Variants in TMEM255B observed in about 807,000 individuals in gnomAD.
The protein encoded by TMEM255B is transmembrane protein 255B.
A neutral mutation model predicts 34.5 loss-of-function variants in TMEM255B; 35 were observed. The observed-to-expected ratio is 1.01, with a 90% CI of 0.77 to 1.34. The LOEUF (loss-of-function observed/expected upper bound fraction) is 1.34, where lower values mean the gene tolerates loss of function less well. TMEM255B is among the 40% of genes most tolerant of loss of function. TMEM255B has a pLI of 0.00. For synonymous variants in TMEM255B, 206 were observed against 201.2 expected (o/e 1.02, Z -0.20); for missense variants, 432 against 433.2 (o/e 1.00, Z 0.02).
intron 3 of TMEM255B, among the ~76,000 whole-genome samples, chr13:113,792,951 C>T (rs974486400): frequency 1.3e-5 from 2 of 152,250 alleles, no homozygotes; most frequent in African/African-American, 4.8e-5. Context: ...GCTGCGTATC[C>T]CGTGGGGACG....
At chr13:113,777,628 C>T (rs1327807515) in intron 3 of TMEM255B, among the ~76,000 whole-genome samples, 2 of 152,226 alleles carry the variant, frequency 1.3e-5, no homozygotes, top group Non-Finnish European at 2.9e-5. Context: ...GAACAGCTCC[C>T]GCCCGGGTCC....
intron 8 of TMEM255B, among the ~76,000 whole-genome samples, chr13:113,811,120 C>T (rs2051289038): frequency 6.6e-6 from 1 of 151,890 alleles, no homozygotes; most frequent in Admixed American, 6.6e-5. Context: ...GCTGGGGCTG[C>T]TCCTTCTGGT....
intron 3 of TMEM255B, among the ~76,000 whole-genome samples, chr13:113,771,113 G>T (rs536558009): frequency 6.6e-6 from 1 of 152,234 alleles, no homozygotes; most frequent in South Asian, 2.1e-4. Flanking sequence ...GTTAAAACAT[G>T]AATCACATCA....
At chr13:113,775,739 C>G (rs1216049340) in intron 3 of TMEM255B, among the ~76,000 whole-genome samples, 1 of 152,216 alleles carries the variant, frequency 6.6e-6, no homozygotes, top group Non-Finnish European at 1.5e-5. Context: ...GCACCCAGCT[C>G]GGGGTTGGTC....
intron 8 of TMEM255B, among the ~76,000 whole-genome samples, chr13:113,810,987 G>T (rs2051286312): frequency 6.6e-6 from 1 of 152,142 alleles, no homozygotes. Context: ...CTCGCTGGCT[G>T]TGAGGAAGTG....
In TMEM255B at chr13:113,805,019, G is replaced by A; in HGVS notation, c.804G>A (p.Leu268=). The stretch of plus-strand genomic sequence containing the variant: ...TCCCGACCTGCTCGTCCTACCCTCT[G>A]CCCCTTCAGGTAGGGCCAGCATCAC... The part of the protein sequence containing the change: ...EPVPTCSSYP[L]PLQPCSRFPV... The change falls in exon 8 of 9, where the codon CTG becomes CTA. Residue 268 remains leucine (L), a synonymous_variant. Transcript: ENST00000375353. The A allele has an allele frequency of 1.9e-6, 3 of 1,600,534 alleles. No homozygotes were observed. Among genetic ancestry groups the A allele is most frequent in the South Asian group, 1.1e-5 (1 of 90,024 alleles).
At chr13:113,787,902 C>A (rs1044739187) in intron 3 of TMEM255B, among the ~76,000 whole-genome samples, 2 of 149,166 alleles carry the variant, frequency 1.3e-5, no homozygotes, top group Admixed American at 1.3e-4. Context: ...TCCACTCTCT[C>A]CAGGAGGTTT....
chr13:113,767,445 G>A (rs561988897), intron 2 of TMEM255B, among the ~76,000 whole-genome samples: 1 of 152,368 alleles, frequency 6.6e-6, no homozygotes, highest in South Asian at 2.1e-4. Flanking sequence ...TGTGAGGAGG[G>A]ACCTCCAAGT....
rs554138808 is a variant in TMEM255B at position 113,791,613 on chromosome 13, G to C, written c.253-3535G>C. ...TCCTGAGCTGAGGCGCTGTCTGAGC[G>C]AAAGATGTTTAGAGCCCCAAGTCCT... On this transcript the variant is annotated intron_variant, in intron 3 of 8. Transcript: ENST00000375353. 3.9e-3 allele frequency among the ~76,000 whole-genome samples: 601 copies of C among 152,320 alleles called. 1 individual carries two copies. The highest frequency in any genetic ancestry group is 6.1e-3 in the Non-Finnish European group (415 of 68,022).
rs1015939543 is a variant in TMEM255B, at chr13:113,812,052, G to T, written c.*149G>T. The T allele has an allele frequency of 1.2e-5, 13 of 1,067,276 alleles. No homozygotes were observed. Among genetic ancestry groups the T allele is most frequent in the Non-Finnish European group, 1.7e-5 (13 of 747,988 alleles). The allele number at this position is 1,067,276 out of a possible 1,614,324, so 66.1% of individuals were successfully genotyped here. On this transcript the variant is annotated 3_prime_UTR_variant, in exon 9 of 9. Transcript: ENST00000375353. ...CCTCCTTTCCTCCCTGGGCACACTG[G>T]TGAGGGAGGCTGGAACCAGGCAGGG...
At chr13:113,765,970 G>T in intron 1 of TMEM255B, 145 bp from the exon 2 acceptor site, 3 of 925,516 alleles carry the variant, frequency 3.2e-6, no homozygotes, top group Non-Finnish European at 4.9e-6. Flanking sequence ...GAGGTTGGGG[G>T]TGGTCCCCTG....
Position 113,769,168 on chromosome 13 carries a change from A to C in TMEM255B, c.252+8A>C. On this transcript the variant is annotated splice_region_variant and intron_variant, in intron 3 of 8. Coordinates refer to ENST00000375353, the MANE Select transcript of TMEM255B (RefSeq NM_182614.4). The surrounding 1 kb of genome is among the most constrained non-coding windows in gnomAD (Gnocchi z 4.2). Reference sequence around the variant, plus strand: ...GAGAATAGAAGGCAAATGGTAAGAAAGTACATGGGGTGGTGGGGAGCATGA... The same window carrying C: ...GAGAATAGAAGGCAAATGGTAAGAACGTACATGGGGTGGTGGGGAGCATGA... The C allele has an allele frequency of 6.2e-7, 1 of 1,614,072 alleles. No homozygotes were observed.
rs962627420 is a variant in TMEM255B, at chr13:113,816,498, C to G, written c.*4595C>G. On this transcript the variant is annotated 3_prime_UTR_variant, in exon 9 of 9. Transcript: ENST00000375353. The stretch of plus-strand genomic sequence containing the variant: ...GGCCCCAAGGATGTTGTGAAGATGG[C>G]CTTATGGGGCTGCACTGGTGACTTG... 16 of 153,858 alleles carry G rather than the reference C, an allele frequency of 1.0e-4. No individual in the cohort carries two copies. The highest frequency in any genetic ancestry group is 2.9e-4 in the African/African-American group (12 of 41,426). 9.5% of individuals were successfully genotyped at this position (153,858 alleles called of 1,614,324 possible). A position where few individuals can be genotyped will look rare whatever the true frequency, so the allele number is the denominator to read the frequency against.
chr13:113,812,943 G>GGACAGGTCTCAGGTGGATCACA lies in TMEM255B; in HGVS notation c.*1041_*1042insACAGGTCTCAGGTGGATCACAG, dbSNP rs1566342025. 1 of 114,766 alleles carries GGACAGGTCTCAGGTGGATCACA rather than the reference G, an allele frequency of 8.7e-6. No homozygotes were observed. Among genetic ancestry groups the GGACAGGTCTCAGGTGGATCACA allele is most frequent in the African/African-American group, 4.1e-5 (1 of 24,234 alleles). 7.1% of individuals were successfully genotyped at this position (114,766 alleles called of 1,614,324 possible). A position where few individuals can be genotyped will look rare whatever the true frequency, so the allele number is the denominator to read the frequency against. ...GAGTCACGGGTCCCGGGTGGGTCAC[G>GGACAGGTCTCAGGTGGATCACA]GGTCCCGGGTGGGTCACGGGCCCCG... On this transcript the variant is annotated 3_prime_UTR_variant, in exon 9 of 9. Transcript: ENST00000375353.
chr13:113,760,061 GAA>G (rs2050272827), intron 1 of TMEM255B, among the ~76,000 whole-genome samples: 1 of 152,142 alleles, frequency 6.6e-6, no homozygotes, highest in Non-Finnish European at 1.5e-5. Context: ...GAACAAAAGA[GAA>G]ACAGAGTTCC....
At chr13:113,776,899 A>G (rs9604523) in intron 3 of TMEM255B, among the ~76,000 whole-genome samples, 32,486 of 151,816 alleles carry the variant, frequency 0.21, 4,767 homozygotes, top group African/African-American at 0.42. Flanking sequence ...GCCCACCCAC[A>G]GGTCCCAGGA....
chr13:113,778,530 G>A (rs555677823), intron 3 of TMEM255B, among the ~76,000 whole-genome samples: 13 of 149,378 alleles, frequency 8.7e-5, no homozygotes, highest in South Asian at 2.1e-4. Flanking sequence ...GTCTTCTCCC[G>A]GGTGAGTCTC....
Position 113,770,056 on chromosome 13 carries a change from C to G in TMEM255B, c.252+896C>G, listed in dbSNP as rs1359710514. Among the ~76,000 whole-genome samples the G allele has an allele frequency of 6.6e-6, 1 of 152,172 alleles. No homozygotes were observed. Among genetic ancestry groups the G allele is most frequent in the Admixed American group, 6.5e-5 (1 of 15,284 alleles). ...GGCCGCGGTGTATGCCCTCGGAACC[C>G]TGTATGTTAGTCTGTTTTCACACTG... On this transcript the variant is annotated intron_variant, in intron 3 of 8. Transcript: ENST00000375353. This position sits in a 1 kb window ranked among gnomAD's most constrained non-coding sequence, Gnocchi z 4.6.
chr13:113,811,964 A>C lies in TMEM255B; in HGVS notation c.*61A>C. 1 of 1,521,958 alleles carries C rather than the reference A, an allele frequency of 6.6e-7. No homozygotes were observed. Among genetic ancestry groups the C allele is most frequent in the Non-Finnish European group, 8.8e-7 (1 of 1,137,158 alleles). The allele number at this position is 1,521,958 out of a possible 1,614,324, so 94.3% of individuals were successfully genotyped here. A position where few individuals can be genotyped will look rare whatever the true frequency, so the allele number is the denominator to read the frequency against. On this transcript the variant is annotated 3_prime_UTR_variant, in exon 9 of 9. Coordinates refer to ENST00000375353, the MANE Select transcript of TMEM255B (RefSeq NM_182614.4). Reference sequence around the variant, plus strand: ...TTTTTTTAAAAAAAAGGCAGCCTCTAGAAATCCCGCTTCTGTGGCCAACCT... The same window carrying C: ...TTTTTTTAAAAAAAAGGCAGCCTCTCGAAATCCCGCTTCTGTGGCCAACCT...
Sources: allele counts gnomAD v4.1 joint callset (sites outside exome capture counted in the v4.1 genomes callset), GRCh38; gene constraint gnomAD v4.1.1; non-coding constraint Gnocchi (gnomAD v3.1); transcripts MANE v1.5; gene names NCBI Gene and HGNC (gene_info 2026-07-23, HGNC 2026-07-21).